The following CAMKMT variants were observed in gnomAD, a reference collection of about 807,000 sequenced individuals.
The protein encoded by CAMKMT is calmodulin-lysine N-methyltransferase, also known as CaM KMT.
Under a neutral mutation model 48.0 loss-of-function variants are expected in CAMKMT, and 53 were observed. That is an observed-to-expected ratio of 1.10 (90% CI 0.89 to 1.39). CAMKMT has a LOEUF of 1.39. Ranked by LOEUF, CAMKMT falls within the 40% of genes most tolerant of loss-of-function variation. The pLI is 0.00. For synonymous variants in CAMKMT, 165 were observed against 152.3 expected (o/e 1.08, Z -0.61); for missense variants, 428 against 402.7 (o/e 1.06, Z -0.54).
intron 3 of CAMKMT, among the ~76,000 whole-genome samples, chr2:44,526,066 A>G (rs1372027661): frequency 6.6e-6 from 1 of 152,178 alleles, no homozygotes; most frequent in Admixed American, 6.5e-5. Flanking sequence ...GCCATAAAAA[A>G]TGATGAGTTC....
intron 3 of CAMKMT, among the ~76,000 whole-genome samples, chr2:44,497,996 A>T (rs1669837355): frequency 6.6e-6 from 1 of 152,136 alleles, no homozygotes; most frequent in Non-Finnish European, 1.5e-5. Flanking sequence ...TTCATTATGG[A>T]GATAGTCTGA....
chr2:44,765,531 TAAAA>T (rs34921648), intron 9 of CAMKMT, among the ~76,000 whole-genome samples: 3 of 132,166 alleles, frequency 2.3e-5, no homozygotes, highest in African/African-American at 8.4e-5. Context: ...TTTTTTTTTT[TAAAA>T]AAAAAAAAGG....
chr2:44,739,224 G>A (rs993500248), intron 7 of CAMKMT, among the ~76,000 whole-genome samples: 2 of 152,194 alleles, frequency 1.3e-5, no homozygotes, highest in Admixed American at 1.3e-4. Flanking sequence ...ATGGAAGCAG[G>A]GAGACCAATT....
intron 3 of CAMKMT, among the ~76,000 whole-genome samples, chr2:44,400,292 C>G (rs192570952): frequency 6.6e-6 from 1 of 151,868 alleles, no homozygotes; most frequent in Non-Finnish European, 1.5e-5. Flanking sequence ...AAAATTACAA[C>G]CAGGATTTAA....
chr2:44,483,654 A>G (rs986002714), intron 3 of CAMKMT, among the ~76,000 whole-genome samples: 5 of 152,178 alleles, frequency 3.3e-5, no homozygotes, highest in Non-Finnish European at 7.4e-5. Flanking sequence ...CTCAAGGTCT[A>G]AGGGAAAATA....
intron 3 of CAMKMT, among the ~76,000 whole-genome samples, chr2:44,592,646 C>G (rs1250927405): frequency 6.6e-6 from 1 of 152,098 alleles, no homozygotes; most frequent in Non-Finnish European, 1.5e-5. Flanking sequence ...TTAAAGTAAA[C>G]TTTATCATAG....
At chr2:44,741,001 A>T (rs959468118) in intron 7 of CAMKMT, among the ~76,000 whole-genome samples, 1 of 152,192 alleles carries the variant, frequency 6.6e-6, no homozygotes, top group Non-Finnish European at 1.5e-5. Context: ...CCACTCAATG[A>T]GTAGGCCATG....
At chr2:44,745,730 C>G (rs1399624096) in intron 8 of CAMKMT, among the ~76,000 whole-genome samples, 11 of 152,126 alleles carry the variant, frequency 7.2e-5, no homozygotes, top group Admixed American at 7.2e-4. Flanking sequence ...TTAAGCTACT[C>G]TCACTGCGAT....
At chr2:44,439,786 A>AAAAT (rs201288437) in intron 3 of CAMKMT, among the ~76,000 whole-genome samples, 9,924 of 147,818 alleles carry the variant, frequency 0.067, 516 homozygotes, top group East Asian at 0.28. Flanking sequence ...TCCATCTCAT[A>AAAAT]AAATAAATAA....
chr2:44,511,302 T>A (rs1670536983), intron 3 of CAMKMT, among the ~76,000 whole-genome samples: 1 of 152,240 alleles, frequency 6.6e-6, no homozygotes, highest in Admixed American at 6.5e-5. Context: ...TTCCTTTTAT[T>A]TTTTAAGACG....
chr2:44,666,610 A>ATTTTTTTTTTTT (rs1674984437), intron 3 of CAMKMT, among the ~76,000 whole-genome samples: 1 of 140,514 alleles, frequency 7.1e-6, no homozygotes, highest in African/African-American at 3.0e-5. Flanking sequence ...GGCTCCTGGA[A>ATTTTTTTTTTTT]TCTTTTTTTT....
At chr2:44,458,839 G>A (rs1667708550) in intron 3 of CAMKMT, among the ~76,000 whole-genome samples, 1 of 152,080 alleles carries the variant, frequency 6.6e-6, no homozygotes, top group African/African-American at 2.4e-5. Flanking sequence ...TCCTCTTCTA[G>A]TTGCAGTAAT....
At chr2:44,524,162 A>C (rs1281894907) in intron 3 of CAMKMT, among the ~76,000 whole-genome samples, 2 of 152,312 alleles carry the variant, frequency 1.3e-5, no homozygotes, top group East Asian at 3.9e-4. Flanking sequence ...CATCACTTCC[A>C]CTGAACTCTA....
intron 3 of CAMKMT, among the ~76,000 whole-genome samples, chr2:44,413,886 A>G (rs534000947): frequency 7.9e-5 from 12 of 152,350 alleles, no homozygotes; most frequent in Non-Finnish European, 1.5e-4. Context: ...TGCACAATTA[A>G]TAAATTTTAG....
chr2:44,502,298 TC>T (rs1193832672), intron 3 of CAMKMT, among the ~76,000 whole-genome samples: 1 of 87,728 alleles, frequency 1.1e-5, no homozygotes, highest in African/African-American at 3.9e-5. Flanking sequence ...GTTGTATCTC[TC>T]CCCTAAACCC....
intron 8 of CAMKMT, among the ~76,000 whole-genome samples, chr2:44,749,702 A>G (rs547057783): frequency 7.2e-5 from 11 of 152,252 alleles, no homozygotes; most frequent in Non-Finnish European, 1.5e-4. Context: ...CCAAAGTCAC[A>G]CAGCAGCAAC....
chr2:44,456,725 C>A, intron 3 of CAMKMT: 1 of 913,700 alleles, frequency 1.1e-6, no homozygotes, highest in South Asian at 2.1e-5. Flanking sequence ...TCATTACAAT[C>A]ATAGCAGAAA....
chr2:44,669,121 T>C (rs994157908), intron 3 of CAMKMT, among the ~76,000 whole-genome samples: 1 of 152,230 alleles, frequency 6.6e-6, no homozygotes, highest in African/African-American at 2.4e-5. Context: ...TTAATAATTT[T>C]ACAATATACA....
At chr2:44,692,790 G>C (rs1221240971) in intron 3 of CAMKMT, among the ~76,000 whole-genome samples, 2 of 152,110 alleles carry the variant, frequency 1.3e-5, no homozygotes, top group Non-Finnish European at 2.9e-5. Flanking sequence ...TTGCAGATGA[G>C]GTTACTGAAG....
Sources: allele counts gnomAD v4.1 joint callset (sites outside exome capture counted in the v4.1 genomes callset), GRCh38; gene constraint gnomAD v4.1.1; transcripts MANE v1.5; gene names NCBI Gene and HGNC (gene_info 2026-07-23, HGNC 2026-07-21).